STPG2: variants seen among roughly 807,000 people sequenced by gnomAD.
STPG2 encodes sperm-tail PG-rich repeat-containing protein 2.
A neutral mutation model predicts 54.2 loss-of-function variants in STPG2; 56 were observed. The observed-to-expected ratio is 1.03, with a 90% CI of 0.83 to 1.29. STPG2 has a LOEUF of 1.29. STPG2 is among the 50% of genes most tolerant of loss of function. The probability of loss-of-function intolerance (pLI) is 0.00; values close to 1 mark genes in which losing one functional copy is unlikely to be tolerated. For synonymous variants in STPG2, 200 were observed against 181.8 expected (o/e 1.10, Z -0.81); for missense variants, 596 against 544.9 (o/e 1.09, Z -0.93).
At chr4:97,909,105 CAAACAAAAACAA>C (rs199837411) in intron 8 of STPG2, among the ~76,000 whole-genome samples, 16 of 150,374 alleles carry the variant, frequency 1.1e-4, no homozygotes, top group South Asian at 2.1e-4. Context: ...AAAAGGCAAA[CAAACAAAAACAA>C]AAACAAAAAC....
chr4:98,099,580 C>A (rs1738965369), intron 5 of STPG2, among the ~76,000 whole-genome samples: 1 of 152,016 alleles, frequency 6.6e-6, no homozygotes, highest in African/African-American at 2.4e-5. Flanking sequence ...TGATTAGAGT[C>A]AATAATAACT....
intron 6 of STPG2, among the ~76,000 whole-genome samples, chr4:97,978,077 T>C (rs1011949140): frequency 2.0e-5 from 3 of 152,280 alleles, no homozygotes; most frequent in African/African-American, 7.2e-5. Flanking sequence ...TTCATCCATG[T>C]GTGAGAAGGT....
intron 8 of STPG2, among the ~76,000 whole-genome samples, chr4:97,869,511 A>C (rs1729906871): frequency 6.6e-6 from 1 of 151,704 alleles, no homozygotes; most frequent in Non-Finnish European, 1.5e-5. Context: ...AAAAATATTT[A>C]TTTAGATTAG....
Position 98,077,154 on chromosome 4 carries a change from ATT to A in STPG2, c.612+28797_612+28798del, listed in dbSNP as rs1738192104. Among the ~76,000 whole-genome samples the A allele has an allele frequency of 4.6e-5, 7 of 152,066 alleles. No individual in the cohort carries two copies. The South Asian group carries it at 1.5e-3, about 32-fold the overall frequency. On this transcript the variant is annotated intron_variant, in intron 5 of 10. Transcript: ENST00000295268. ...TATTTTTGTATTTTAAATGTTTCTCATTTTCCATTTCTAATACAATAAGAAAC... is the reference window on the plus strand; with the variant it reads ...TATTTTTGTATTTTAAATGTTTCTCATTCCATTTCTAATACAATAAGAAAC...
chr4:97,953,526 T>C (rs1229887667), intron 7 of STPG2, among the ~76,000 whole-genome samples: 2 of 152,206 alleles, frequency 1.3e-5, no homozygotes, highest in Non-Finnish European at 2.9e-5. Flanking sequence ...CTGAGTTAAC[T>C]AGAAGATTTT....
In STPG2 at chr4:98,057,669, A is replaced by G. The variant is rs148416150; in HGVS notation, c.612+48284T>C. On this transcript the variant is annotated intron_variant, in intron 5 of 10. Coordinates refer to ENST00000295268, the MANE Select transcript of STPG2 (RefSeq NM_174952.3). The stretch of plus-strand genomic sequence containing the variant: ...CCATGAAAACTTCCCCAACCTAGCT[A>G]GAGAGGCCAATATTCAAATTTAGGA... Among the ~76,000 whole-genome samples, 648 of 152,318 alleles carry G rather than the reference A, an allele frequency of 4.3e-3. 3 individuals are homozygous for G. The highest frequency in any genetic ancestry group is 0.024 in the South Asian group (118 of 4,830).
intron 10 of STPG2, among the ~76,000 whole-genome samples, chr4:97,689,487 T>C (rs1723298064): frequency 6.6e-6 from 1 of 152,124 alleles, no homozygotes; most frequent in African/African-American, 2.4e-5. Flanking sequence ...ATACTTGCGA[T>C]TTTGTATACA....
chr4:97,657,106 A>G (rs1248662155), intron 10 of STPG2, among the ~76,000 whole-genome samples: 2 of 152,146 alleles, frequency 1.3e-5, no homozygotes, highest in Non-Finnish European at 2.9e-5. Context: ...AACGATAAGA[A>G]GAAAAATAAA....
At chr4:97,930,295 G>A (rs972448028) in intron 8 of STPG2, among the ~76,000 whole-genome samples, 12 of 152,154 alleles carry the variant, frequency 7.9e-5, no homozygotes, top group Non-Finnish European at 1.2e-4. Flanking sequence ...GTTCTCAAGC[G>A]TTTTTAGAAT....
At chr4:98,040,466 T>C (rs1736915024) in intron 5 of STPG2, among the ~76,000 whole-genome samples, 1 of 151,982 alleles carries the variant, frequency 6.6e-6, no homozygotes, top group African/African-American at 2.4e-5. Context: ...TACATTTAAG[T>C]CTTGAATTCA....
chr4:97,833,858 A>AC (rs1728550676), intron 9 of STPG2, among the ~76,000 whole-genome samples: 1 of 152,068 alleles, frequency 6.6e-6, no homozygotes, highest in African/African-American at 2.4e-5. Flanking sequence ...AGTCAGGAAA[A>AC]ACACAGATGT....
At chr4:97,873,216 C>T (rs140416096) in intron 8 of STPG2, among the ~76,000 whole-genome samples, 39 of 150,474 alleles carry the variant, frequency 2.6e-4, no homozygotes, top group African/African-American at 9.0e-4. Flanking sequence ...TTTTTTCCTT[C>T]CTCCTTTCCT....
chr4:98,133,985 A>C (rs1286415409), intron 2 of STPG2, among the ~76,000 whole-genome samples: 2 of 151,968 alleles, frequency 1.3e-5, no homozygotes, highest in Non-Finnish European at 2.9e-5. Flanking sequence ...ATAGCTTTAA[A>C]GCATGGCACA....
chr4:97,964,868 C>T (rs1292479712), intron 7 of STPG2, among the ~76,000 whole-genome samples: 1 of 152,132 alleles, frequency 6.6e-6, no homozygotes, highest in Non-Finnish European at 1.5e-5. Context: ...ATATGTAGTG[C>T]CATTCCAAGA....
intron 8 of STPG2, among the ~76,000 whole-genome samples, chr4:97,941,914 T>A (rs542413300): frequency 9.7e-4 from 148 of 151,920 alleles, no homozygotes; most frequent in Non-Finnish European, 1.6e-3. Context: ...GTAACCAGAG[T>A]CCCACTGAAT....
In STPG2 at chr4:98,047,979, A is replaced by C. The variant is rs571416556; in HGVS notation, c.612+57974T>G. On this transcript the variant is annotated intron_variant, in intron 5 of 10. Transcript: ENST00000295268. Reference sequence around the variant, plus strand: ...AAGAAAACTCTCACAGAGATTATAGAGACCGGAGACAGTATTTCTCAACTA... The same window carrying C: ...AAGAAAACTCTCACAGAGATTATAGCGACCGGAGACAGTATTTCTCAACTA... Among the ~76,000 whole-genome samples the C allele has an allele frequency of 2.0e-5, 3 of 152,318 alleles. No homozygotes were observed. In the South Asian group the frequency reaches 6.2e-4, roughly 32 times the overall value.
At chr4:97,584,931 C>T (rs866936123) in intron 10 of STPG2, among the ~76,000 whole-genome samples, 2 of 151,464 alleles carry the variant, frequency 1.3e-5, no homozygotes, top group Non-Finnish European at 3.0e-5. Context: ...TTCTTTCAGG[C>T]ACTCAGAGAA....
chr4:97,971,786 T>A (rs556505557), intron 7 of STPG2, among the ~76,000 whole-genome samples: 1 of 152,208 alleles, frequency 6.6e-6, no homozygotes, highest in East Asian at 1.9e-4. Context: ...ACCCCAGAAC[T>A]TAAAGTATAA....
intron 8 of STPG2, among the ~76,000 whole-genome samples, chr4:97,917,905 T>C (rs1731945486): frequency 6.6e-6 from 1 of 152,026 alleles, no homozygotes; most frequent in Non-Finnish European, 1.5e-5. Context: ...ACACTACTCA[T>C]AGGAAAAAAA....
Sources: gnomAD v4.1 joint callset for allele counts (sites outside exome capture counted in the v4.1 genomes callset) on GRCh38, gnomAD v4.1.1 for gene constraint, MANE v1.5 for transcripts, NCBI Gene and HGNC (gene_info 2026-07-23, HGNC 2026-07-21) for gene names.